APBA1: variants seen among roughly 807,000 people sequenced by gnomAD.
The protein encoded by APBA1 is amyloid beta precursor protein binding family A member 1.
In APBA1, 55 loss-of-function variants were observed where a neutral mutation model predicts 86.6. The ratio of observed to expected loss-of-function variants is 0.64; its 90% CI spans 0.51 to 0.80. APBA1 has a LOEUF of 0.80. APBA1 is among the 30% of genes least tolerant of loss of function. APBA1 has a pLI of 0.00. For synonymous variants in APBA1, 511 were observed against 493.9 expected, an observed-to-expected ratio of 1.03 and a Z score of -0.46; for missense variants, 1,090 against 1,183.0, an observed-to-expected ratio of 0.92 and a Z score of 1.15.
chr9:69,625,052 G>A (rs1025204323), intron 1 of APBA1, among the ~76,000 whole-genome samples: 1 of 152,124 alleles, frequency 6.6e-6, no homozygotes, highest in Non-Finnish European at 1.5e-5. Context: ...GATTTTATCT[G>A]TGCTTAAGAT....
intron 1 of APBA1, among the ~76,000 whole-genome samples, chr9:69,519,026 C>T (rs1836211412): frequency 6.6e-6 from 1 of 152,226 alleles, no homozygotes; most frequent in African/African-American, 2.4e-5. Context: ...TGCTTCGCTA[C>T]TTGACATAAG....
intron 2 of APBA1, among the ~76,000 whole-genome samples, chr9:69,495,821 T>C (rs1334321837): frequency 1.3e-5 from 2 of 152,012 alleles, no homozygotes; most frequent in Non-Finnish European, 2.9e-5. Flanking sequence ...TCTCAGGACC[T>C]GCATCAGGAT....
chr9:69,471,656 C>G lies in APBA1; in HGVS notation c.1336G>C (p.Val446Leu). The change falls in exon 4 of 13, where the codon GTT becomes CTT. Residue 446 changes from valine (V) to leucine (L), a missense_variant and splice_region_variant. Physicochemically the swap from Val to Leu is conservative, Grantham distance 32. Coordinates refer to ENST00000265381, the MANE Select transcript of APBA1 (RefSeq NM_001163.4). ...SLASFPTYVE[V>L]PGPCDPEDLI... is the part of the protein sequence containing the mutation. Reference sequence around the variant, plus strand: ...TCAGTATTTTCTTTTCAGCTCTTACCTTCAACGTAGGTTGGGAATGAAGCC... The same window carrying G: ...TCAGTATTTTCTTTTCAGCTCTTACGTTCAACGTAGGTTGGGAATGAAGCC... 1 of 1,613,408 alleles carries G rather than the reference C, an allele frequency of 6.2e-7. No individual in the cohort carries two copies. Among genetic ancestry groups the G allele is most frequent in the Non-Finnish European group, 8.5e-7 (1 of 1,179,616 alleles).
chr9:69,476,082 G>C lies in APBA1; in HGVS notation c.1262C>G (p.Pro421Arg), dbSNP rs759793649. The C allele has an allele frequency of 1.9e-6, 3 of 1,614,050 alleles. No individual in the cohort carries two copies. The highest frequency in any genetic ancestry group is 2.5e-6 in the Non-Finnish European group (3 of 1,180,036). The change falls in exon 3 of 13, where the codon CCC becomes CGC. Residue 421 changes from proline to arginine, a missense_variant. Pro to Arg is a moderately radical substitution (Grantham distance 103). Transcript: ENST00000265381. ...AGTGGACGCTTCCACAGGGTCACTG[G>C]GGTGAAGAGATGTGCTTGATGACTC... is the stretch of plus-strand genomic sequence containing the variant. ...GAESSSTSLH[P>R]SDPVEASTNK...
intron 1 of APBA1, among the ~76,000 whole-genome samples, chr9:69,524,614 A>C (rs1836314246): frequency 6.6e-6 from 1 of 152,064 alleles, no homozygotes; most frequent in Admixed American, 6.6e-5. Flanking sequence ...AACTGAAAAA[A>C]AAAACCCTGT....
At chr9:69,580,666 C>T (rs1289252994) in intron 1 of APBA1, among the ~76,000 whole-genome samples, 1 of 152,170 alleles carries the variant, frequency 6.6e-6, no homozygotes, top group Non-Finnish European at 1.5e-5. Flanking sequence ...CTGTAGGAAA[C>T]TTGCTGACAG....
rs1314200119 is a variant in APBA1 at position 69,427,862 on chromosome 9, T to C, written c.*3465A>G. The C allele has an allele frequency of 6.6e-6, 1 of 152,324 alleles. No individual in the cohort carries two copies. Among genetic ancestry groups the C allele is most frequent in the Admixed American group, 6.5e-5 (1 of 15,306 alleles). 9.4% of individuals were successfully genotyped at this position (152,324 alleles called of 1,614,324 possible). A position where few individuals can be genotyped will look rare whatever the true frequency, so the allele number is the denominator to read the frequency against. On this transcript the variant is annotated 3_prime_UTR_variant, in exon 13 of 13. Transcript: ENST00000265381. ...CAATACTATACTTCTCCCGACACTT[T>C]ACAATAAGCTCTATTTCACCCTCTT...
intron 1 of APBA1, among the ~76,000 whole-genome samples, chr9:69,642,503 G>A (rs1823307208): frequency 6.6e-6 from 1 of 152,062 alleles, no homozygotes; most frequent in South Asian, 2.1e-4. Flanking sequence ...AGTTGCTGGT[G>A]GGAAATCAAA....
At chr9:69,589,221 G>A (rs571770667) in intron 1 of APBA1, among the ~76,000 whole-genome samples, 1 of 152,314 alleles carries the variant, frequency 6.6e-6, no homozygotes, top group East Asian at 1.9e-4. Flanking sequence ...CTCCCAAAGT[G>A]CTGGGACTAT....
chr9:69,472,404 C>T (rs972644996), intron 3 of APBA1: 5 of 152,278 alleles, frequency 3.3e-5, no homozygotes, highest in African/African-American at 1.2e-4. Flanking sequence ...AGGAGCAAAA[C>T]TCACCATACG....
chr9:69,437,086 T>C (rs1834738645), intron 11 of APBA1, among the ~76,000 whole-genome samples: 1 of 151,908 alleles, frequency 6.6e-6, no homozygotes, highest in Non-Finnish European at 1.5e-5. Context: ...TGTTAATTGA[T>C]TTTTGTATGT....
At chr9:69,561,630 A>AT (rs202003478) in intron 1 of APBA1, among the ~76,000 whole-genome samples, 3,765 of 142,678 alleles carry the variant, frequency 0.026, 74 homozygotes, top group Non-Finnish European at 0.029. Context: ...TATCTACAGG[A>AT]TTTTTTTTTT....
In APBA1 at chr9:69,467,838, G is replaced by A. The variant is rs770063714; in HGVS notation, c.1467C>T (p.Ala489=). The A allele has an allele frequency of 8.1e-6, 13 of 1,614,034 alleles. No homozygotes were observed. Among genetic ancestry groups the A allele is most frequent in the South Asian group, 5.5e-5 (5 of 91,086 alleles). ...KNVRMMQAQE[A]VSRIKMAQKL... is the part of the protein sequence containing the mutation. The stretch of plus-strand genomic sequence containing the variant: ...ATGTCCTCACCTTGATCCTGCTTAC[G>A]GCTTCCTGGGCCTGCATCATGCGCA... The change falls in exon 5 of 13, where the codon GCC becomes GCT. Residue 489 remains alanine, a synonymous_variant. Coordinates refer to ENST00000265381, the MANE Select transcript of APBA1 (RefSeq NM_001163.4).
At position 69,483,729 on chromosome 9, in the gene APBA1, G is replaced by A. The variant is rs1233562510; in HGVS notation, c.1201-7586C>T. 4.6e-5 allele frequency among the ~76,000 whole-genome samples: 7 copies of A among 152,014 alleles called. No individual in the cohort carries two copies. In the South Asian group the frequency reaches 6.2e-4, roughly 14 times the overall value. On this transcript the variant is annotated intron_variant, in intron 2 of 12. Transcript: ENST00000265381. ...TTCTAGGCAGGGAGGTCAGGACAAC[G>A]AACAAACCCCTTAAACATTCACATG...
At chr9:69,444,307 T>C (rs1400399506) in intron 10 of APBA1, among the ~76,000 whole-genome samples, 1 of 152,240 alleles carries the variant, frequency 6.6e-6, no homozygotes, top group Non-Finnish European at 1.5e-5. Context: ...AATGAACATC[T>C]GTGAAGGATC....
intron 6 of APBA1, 37 bp downstream of exon 6, chr9:69,458,119 G>T: frequency 6.3e-7 from 1 of 1,575,334 alleles, no homozygotes; most frequent in Non-Finnish European, 8.6e-7. Flanking sequence ...AAAAGAACAG[G>T]CATAACACCA....
intron 1 of APBA1, among the ~76,000 whole-genome samples, chr9:69,610,899 T>C (rs147693945): frequency 7.8e-4 from 119 of 152,298 alleles, no homozygotes; most frequent in African/African-American, 2.7e-3. Context: ...GCTTGTTTTT[T>C]CTTAGAACTG....
chr9:69,520,219 TAC>T (rs200387535), intron 1 of APBA1, among the ~76,000 whole-genome samples: 6,094 of 152,338 alleles, frequency 0.04, 170 homozygotes, highest in Non-Finnish European at 0.063. Context: ...GGTTTATCCC[TAC>T]ACACAAGAGG....
intron 1 of APBA1, among the ~76,000 whole-genome samples, chr9:69,534,176 C>T (rs890816480): frequency 6.6e-6 from 1 of 152,140 alleles, no homozygotes; most frequent in Admixed American, 6.6e-5. Flanking sequence ...TACACATGCC[C>T]TTTCTGAGGA....
Sources: allele counts gnomAD v4.1 joint callset (sites outside exome capture counted in the v4.1 genomes callset), GRCh38; gene constraint gnomAD v4.1.1; transcripts MANE v1.5; gene names NCBI Gene and HGNC (gene_info 2026-07-23, HGNC 2026-07-21).